The following MON2 variants were observed in gnomAD, a reference collection of about 807,000 sequenced individuals.
The protein encoded by MON2 is protein MON2 homolog.
In MON2, 84 loss-of-function variants were observed where a neutral mutation model predicts 208.6. That is an observed-to-expected ratio of 0.40 (90% CI 0.34 to 0.48). MON2 has a LOEUF of 0.48. MON2 is among the 20% of genes least tolerant of loss of function. MON2 has a pLI of 0.59. For synonymous variants in MON2, 660 were observed against 694.0 expected (o/e 0.95, Z 0.77); for missense variants, 1,611 against 2,015.4 (o/e 0.80, Z 3.84).
rs941866040 is a variant in MON2, at chr12:62,501,769, C to T, written c.789+71C>T. 32 of 1,561,234 alleles carry T rather than the reference C, an allele frequency of 2.0e-5. No homozygotes were observed. In the Middle Eastern group the frequency reaches 5.3e-4, roughly 26 times the overall value. ...TTACAGATATTTTTAAAGAAAGCAA[C>T]GTGTATTTTTTTTCCACCTTAAAAG... On this transcript the variant is annotated intron_variant, in intron 7 of 34. Coordinates refer to ENST00000393630, the MANE Select transcript of MON2 (RefSeq NM_015026.3).
At chr12:62,493,887 ATTTAC>A (rs1392237354) in intron 2 of MON2, 23 bp from the exon 3 acceptor site, 2 of 1,409,242 alleles carry the variant, frequency 1.4e-6, no homozygotes, top group Non-Finnish European at 9.4e-7. Flanking sequence ...AATTTTAATA[ATTTAC>A]TTTATATGTG....
At chr12:62,528,067 A>G (rs1031860025) in intron 11 of MON2, among the ~76,000 whole-genome samples, 1 of 152,124 alleles carries the variant, frequency 6.6e-6, no homozygotes, top group Non-Finnish European at 1.5e-5. Context: ...CTCTAAAGGA[A>G]CATATGTGTA....
At chr12:62,585,693 G>A (rs370801469) in intron 33 of MON2, 192 bp downstream of exon 33, 1 of 459,544 alleles carries the variant, frequency 2.2e-6, no homozygotes, top group Admixed American at 3.7e-5. Context: ...TTTGTTATGG[G>A]GTGCTTTTTT....
chr12:62,525,002 T>G lies in MON2; in HGVS notation c.1110-82T>G, dbSNP rs2072260450. ...TAGTATAGTTTGGTAACTCTTATAG[T>G]AATATCACTTGCTATAAAAAGGTTT... is the stretch of plus-strand genomic sequence containing the variant. On this transcript the variant is annotated intron_variant, in intron 9 of 34. Transcript: ENST00000393630. 8.6e-6 allele frequency: 10 copies of G among 1,162,092 alleles called. No individual in the cohort carries two copies. In the Admixed American group the frequency reaches 1.2e-4, roughly 14 times the overall value. The allele number at this position is 1,162,092 out of a possible 1,614,324, so 72.0% of individuals were successfully genotyped here.
chr12:62,498,414 G>A (rs965091504), intron 4 of MON2, among the ~76,000 whole-genome samples: 3 of 152,112 alleles, frequency 2.0e-5, no homozygotes, highest in African/African-American at 7.2e-5. Flanking sequence ...TGTGGCCATA[G>A]TTTCATGGGC....
intron 1 of MON2, among the ~76,000 whole-genome samples, chr12:62,471,210 C>T (rs1193525500): frequency 5.3e-5 from 8 of 152,072 alleles, no homozygotes; most frequent in Admixed American, 3.3e-4. Context: ...TTGTTTGAGA[C>T]GGAGTCTCTG....
At chr12:62,573,413 A>G (rs1290588354) in intron 30 of MON2, among the ~76,000 whole-genome samples, 1 of 149,164 alleles carries the variant, frequency 6.7e-6, no homozygotes, top group Non-Finnish European at 1.5e-5. Flanking sequence ...TTTTTTTGCA[A>G]TGAGTAAAAC....
intron 7 of MON2, 55 bp downstream of exon 7, chr12:62,501,753 T>G (rs983384135): frequency 1.7e-5 from 27 of 1,591,536 alleles, no homozygotes; most frequent in Non-Finnish European, 4.3e-6. Context: ...TTTACAGATA[T>G]TTTTAAAGAA....
At chr12:62,588,435 T>C (rs765118252) in intron 34 of MON2, among the ~76,000 whole-genome samples, 1 of 152,176 alleles carries the variant, frequency 6.6e-6, no homozygotes, top group Non-Finnish European at 1.5e-5. Flanking sequence ...ATATTTCATA[T>C]ATTTTTAATG....
chr12:62,534,949 A>G (rs758693083), intron 13 of MON2, 23 bp downstream of exon 13: 2 of 1,507,064 alleles, frequency 1.3e-6, no homozygotes, highest in Non-Finnish European at 1.8e-6. Flanking sequence ...TGTAAGTTTT[A>G]TATTGAACTG....
At chr12:62,471,701 G>A (rs1040101197) in intron 1 of MON2, among the ~76,000 whole-genome samples, 4 of 152,166 alleles carry the variant, frequency 2.6e-5, no homozygotes, top group African/African-American at 9.7e-5. Flanking sequence ...GGAACTGTGG[G>A]AAACAACATT....
chr12:62,592,483 CAG>C (rs2075427381), intron 34 of MON2, 101 bp from the exon 35 acceptor site: 1 of 860,432 alleles, frequency 1.2e-6, no homozygotes, highest in African/African-American at 1.7e-5. Context: ...CTTCATGTTT[CAG>C]AGTTTTTTCT....
At chr12:62,478,945 C>G (rs1362208261) in intron 1 of MON2, among the ~76,000 whole-genome samples, 1 of 151,990 alleles carries the variant, frequency 6.6e-6, no homozygotes, top group Non-Finnish European at 1.5e-5. Context: ...GGGAAAAAAC[C>G]CTGGTATCTG....
intron 12 of MON2, among the ~76,000 whole-genome samples, chr12:62,532,925 C>T (rs2072725336): frequency 6.6e-6 from 1 of 152,114 alleles, no homozygotes; most frequent in African/African-American, 2.4e-5. Flanking sequence ...TAAGGTTAGT[C>T]TCCTGTGTAT....
In MON2 at chr12:62,599,211, A is replaced by G. The variant is rs1179724982; in HGVS notation, c.*6462A>G. ...GAAAAAATAATAAACAGAAGACACG[A>G]AGTGTCTCTCAATAGTTTAGAAAGA... On this transcript the variant is annotated 3_prime_UTR_variant, in exon 35 of 35. Coordinates refer to ENST00000393630, the MANE Select transcript of MON2 (RefSeq NM_015026.3). 4 of 152,238 alleles carry G rather than the reference A, an allele frequency of 2.6e-5. No individual in the cohort carries two copies. The highest frequency in any genetic ancestry group is 5.9e-5 in the Non-Finnish European group (4 of 68,028). 9.4% of individuals were successfully genotyped at this position (152,238 alleles called of 1,614,324 possible). A position where few individuals can be genotyped will look rare whatever the true frequency, so the allele number is the denominator to read the frequency against.
In MON2 at chr12:62,524,580, G is replaced by C; in HGVS notation, c.1050G>C (p.Trp350Cys). 2 of 1,613,544 alleles carry C rather than the reference G, an allele frequency of 1.2e-6. No homozygotes were observed. The highest frequency in any genetic ancestry group is 1.7e-6 in the Non-Finnish European group (2 of 1,179,644). ...VKFLDADKPQWLRAVAVESIH... is the reference protein window; with the variant it reads ...VKFLDADKPQCLRAVAVESIH... ...TTCTGGATGCAGATAAACCACAGTG[G>C]CTACGAGCTGTTGCGGTGGAATCAA... The change falls in exon 9 of 35, where the codon TGG becomes TGC. Residue 350 changes from tryptophan to cysteine, a missense_variant. Trp to Cys is a radical substitution (Grantham distance 215). Transcript: ENST00000393630.
rs2068550669 is a variant in MON2 at position 62,467,049 on chromosome 12, G to A, written c.-159G>A. 4 of 602,822 alleles carry A rather than the reference G, an allele frequency of 6.6e-6. No homozygotes were observed. In the Admixed American group the frequency reaches 1.2e-4, roughly 18 times the overall value. The allele number at this position is 602,822 out of a possible 1,614,324, so 37.3% of individuals were successfully genotyped here. A position where few individuals can be genotyped will look rare whatever the true frequency, so the allele number is the denominator to read the frequency against. On this transcript the variant is annotated 5_prime_UTR_variant, in exon 1 of 35. Coordinates refer to ENST00000393630, the MANE Select transcript of MON2 (RefSeq NM_015026.3). Reference sequence around the variant, plus strand: ...AGAGGTGTTGCGGGGAAGCTGCTGGGGGACGCTCGAGCAGGCTCCGGGTTC... The same window carrying A: ...AGAGGTGTTGCGGGGAAGCTGCTGGAGGACGCTCGAGCAGGCTCCGGGTTC...
At chr12:62,554,137 C>A (rs2073866153) in intron 24 of MON2, among the ~76,000 whole-genome samples, 1 of 152,184 alleles carries the variant, frequency 6.6e-6, no homozygotes, top group Non-Finnish European at 1.5e-5. Flanking sequence ...TAATACTTTT[C>A]TGATTCTAAT....
At chr12:62,585,559 A>G (rs1187598810) in intron 33 of MON2, 58 bp downstream of exon 33, 3 of 1,353,690 alleles carry the variant, frequency 2.2e-6, no homozygotes, top group African/African-American at 3.0e-5. Context: ...TGTTGATAAC[A>G]AGGAAAACTC....
Sources: allele counts gnomAD v4.1 joint callset (sites outside exome capture counted in the v4.1 genomes callset), GRCh38; gene constraint gnomAD v4.1.1; transcripts MANE v1.5; gene names NCBI Gene and HGNC (gene_info 2026-07-23, HGNC 2026-07-21).